Variants in FRMD6 observed in about 807,000 individuals in gnomAD.
FRMD6 encodes the protein FERM domain containing 6.
A neutral mutation model predicts 73.2 loss-of-function variants in FRMD6; 37 were observed. The ratio of observed to expected loss-of-function variants is 0.51; its 90% CI spans 0.39 to 0.66. The LOEUF (loss-of-function observed/expected upper bound fraction) is 0.66, where lower values mean the gene tolerates loss of function less well. Ranked by LOEUF, FRMD6 falls within the 30% of genes least tolerant of loss-of-function variation. The probability of loss-of-function intolerance (pLI) is 0.00; values close to 1 mark genes in which losing one functional copy is unlikely to be tolerated. For synonymous variants in FRMD6, 273 were observed against 282.2 expected, an observed-to-expected ratio of 0.97 and a Z score of 0.33; for missense variants, 714 against 780.5, an observed-to-expected ratio of 0.91 and a Z score of 1.02.
At chr14:51,472,338 C>G in the FRMD6 span, among the ~76,000 whole-genome samples, 1 of 152,128 alleles carries the variant, frequency 6.6e-6, no homozygotes, top group Non-Finnish European at 1.5e-5. Flanking sequence ...GAGTCTCTCT[C>G]TGTCGCCCAG....
At chr14:51,596,657 T>A (rs959151087) in intron 2 of FRMD6, among the ~76,000 whole-genome samples, 36 of 152,268 alleles carry the variant, frequency 2.4e-4, no homozygotes, top group Non-Finnish European at 3.5e-4. Flanking sequence ...TCAAGGCTCA[T>A]GGTTAAGCAG....
At chr14:51,559,885 G>C (rs1484113968) in intron 1 of FRMD6, among the ~76,000 whole-genome samples, 1 of 152,198 alleles carries the variant, frequency 6.6e-6, no homozygotes, top group Non-Finnish European at 1.5e-5. Flanking sequence ...TATAAGCACA[G>C]TCATGTTCAT....
At chr14:51,425,293 G>A in the FRMD6 span, among the ~76,000 whole-genome samples, 2 of 152,042 alleles carry the variant, frequency 1.3e-5, no homozygotes, top group Admixed American at 1.3e-4. Context: ...CACCACCTCG[G>A]TTCACAAGCT....
intron 1 of FRMD6, among the ~76,000 whole-genome samples, chr14:51,558,619 T>C (rs943381730): frequency 6.6e-6 from 1 of 152,178 alleles, no homozygotes; most frequent in Non-Finnish European, 1.5e-5. Flanking sequence ...AGTATAATTA[T>C]ATAATTACAT....
chr14:51,705,016 G>A, intron 6 of FRMD6, 81 bp downstream of exon 6: 1 of 1,285,058 alleles, frequency 7.8e-7, no homozygotes, highest in Non-Finnish European at 1.1e-6. Context: ...TACTCTTTAA[G>A]AAATGGGAAC....
the FRMD6 span, among the ~76,000 whole-genome samples, chr14:51,448,243 G>A: frequency 2.6e-5 from 4 of 152,080 alleles, no homozygotes; most frequent in South Asian, 6.2e-4. Flanking sequence ...TATATAGATA[G>A]CATTCATTCT....
At chr14:51,520,573 A>T (rs1884896707) in intron 1 of FRMD6, among the ~76,000 whole-genome samples, 1 of 152,236 alleles carries the variant, frequency 6.6e-6, no homozygotes, top group South Asian at 2.1e-4. Context: ...ACGAAGTGTG[A>T]TATATCCATA....
At chr14:51,618,367 C>CAGGAGTGGAG (rs1890794758) in intron 2 of FRMD6, among the ~76,000 whole-genome samples, 3 of 152,038 alleles carry the variant, frequency 2.0e-5, no homozygotes, top group Non-Finnish European at 4.4e-5. Context: ...GAGATCTAGA[C>CAGGAGTGGAG]CTATGTTAAG....
chr14:51,495,830 G>T (rs141634284), intron 1 of FRMD6, among the ~76,000 whole-genome samples: 1 of 152,178 alleles, frequency 6.6e-6, no homozygotes, highest in Non-Finnish European at 1.5e-5. Flanking sequence ...ATAAACAGAG[G>T]TGTAATGGAT....
chr14:51,496,150 G>A (rs1883278700), intron 1 of FRMD6, among the ~76,000 whole-genome samples: 1 of 152,174 alleles, frequency 6.6e-6, no homozygotes, highest in African/African-American at 2.4e-5. Flanking sequence ...AAGCAGCACT[G>A]TGGAGAGGCC....
chr14:51,400,971 C>T, the FRMD6 span, among the ~76,000 whole-genome samples: 1 of 152,218 alleles, frequency 6.6e-6, no homozygotes, highest in Non-Finnish European at 1.5e-5. Flanking sequence ...GATAATTCTT[C>T]AGCCACTTCC....
rs760130225 is a variant in FRMD6, at chr14:51,715,394, C to A, written c.919C>A (p.Pro307Thr). 1 of 1,613,672 alleles carries A rather than the reference C, an allele frequency of 6.2e-7. No homozygotes were observed. Among genetic ancestry groups the A allele is most frequent in the East Asian group, 2.2e-5 (1 of 44,870 alleles). Residue 307 changes from proline to threonine, a missense_variant, in exon 10 of 14, where the codon CCC (proline) becomes ACC (threonine). Transcript: ENST00000344768. ...ARKLIYYTGC[P>T]MRSRHLLQLL... ...GAAGCTCATATACTACACGGGGTGC[C>A]CCATGCGCTCCAGACACCTCCTGCA...
At chr14:51,589,112 C>CTCTACCTGCTCACAT (rs1889224899) in intron 2 of FRMD6, among the ~76,000 whole-genome samples, 1 of 152,216 alleles carries the variant, frequency 6.6e-6, no homozygotes, top group Non-Finnish European at 1.5e-5. Context: ...TCCTGTCCTT[C>CTCTACCTGCTCACAT]TCTACCTGCT....
the FRMD6 span, among the ~76,000 whole-genome samples, chr14:51,402,884 C>T: frequency 1.0e-3 from 157 of 152,202 alleles, no homozygotes; most frequent in African/African-American, 3.4e-3. Flanking sequence ...ATGATTCGTC[C>T]ACCTCAGCCT....
At chr14:51,596,963 A>G (rs976936819) in intron 2 of FRMD6, among the ~76,000 whole-genome samples, 5 of 152,108 alleles carry the variant, frequency 3.3e-5, no homozygotes, top group African/African-American at 4.8e-5. Flanking sequence ...CTTAGGAAAA[A>G]CTGCATCGCA....
chr14:51,653,600 A>G (rs933143580), intron 1 of FRMD6, among the ~76,000 whole-genome samples: 45 of 152,338 alleles, frequency 3.0e-4, no homozygotes, highest in African/African-American at 9.4e-4. Context: ...TTTAACTACC[A>G]GGACCTACAG....
intron 1 of FRMD6, among the ~76,000 whole-genome samples, chr14:51,503,270 G>A (rs1040027778): frequency 6.6e-6 from 1 of 152,126 alleles, no homozygotes; most frequent in African/African-American, 2.4e-5. Context: ...TTTTTGTCTT[G>A]TACTGGTTTT....
intron 6 of FRMD6, among the ~76,000 whole-genome samples, chr14:51,705,435 C>A (rs1896570423): frequency 6.6e-6 from 1 of 152,096 alleles, no homozygotes; most frequent in Admixed American, 6.6e-5. Context: ...GCTGCGCTTT[C>A]TCCACTCCAC....
chr14:51,492,503 C>T (rs773274644), intron 1 of FRMD6, among the ~76,000 whole-genome samples: 44 of 151,762 alleles, frequency 2.9e-4, no homozygotes, highest in Non-Finnish European at 5.7e-4. Flanking sequence ...AGCAGCATAC[C>T]GAGACCTATC....
Sources: gnomAD v4.1 joint callset for allele counts (sites outside exome capture counted in the v4.1 genomes callset) on GRCh38, gnomAD v4.1.1 for gene constraint, MANE v1.5 for transcripts, NCBI Gene and HGNC (gene_info 2026-07-23, HGNC 2026-07-21) for gene names.